The following LIMA1 variants were observed in gnomAD, a reference collection of about 807,000 sequenced individuals.
LIMA1 encodes the protein LIM domain and actin binding 1.
Under a neutral mutation model 62.6 loss-of-function variants are expected in LIMA1, and 52 were observed. The observed-to-expected ratio is 0.83, with a 90% CI of 0.67 to 1.05. The LOEUF is 1.05. LIMA1 is among the 50% of genes least tolerant of loss of function. LIMA1 has a pLI of 0.00. For missense variants in LIMA1, 780 were observed against 902.2 expected (o/e 0.86, Z 1.74); for synonymous variants, 302 against 317.8 (o/e 0.95, Z 0.53).
At chr12:50,198,444 C>T (rs192113143) in intron 7 of LIMA1, among the ~76,000 whole-genome samples, 1 of 152,200 alleles carries the variant, frequency 6.6e-6, no homozygotes, top group Non-Finnish European at 1.5e-5. Context: ...GTCCCAGCCA[C>T]TTGGGAGGCT....
intron 1 of LIMA1, among the ~76,000 whole-genome samples, chr12:50,263,857 G>GTATATATA (rs67882718): frequency 8.0e-6 from 1 of 125,684 alleles, no homozygotes; most frequent in Non-Finnish European, 1.6e-5. Context: ...TATATAGAGA[G>GTATATATA]TATATATATA....
rs75441485 is a variant in LIMA1 at position 50,204,071 on chromosome 12, A to G, written c.864+481T>C. ...TTGTATACTTTAAAATGGTGATTTTATATTATGTGAGTTATATCTCAGTAA... is the reference window on the plus strand; with the variant it reads ...TTGTATACTTTAAAATGGTGATTTTGTATTATGTGAGTTATATCTCAGTAA... On this transcript the variant is annotated intron_variant, in intron 6 of 10. Coordinates refer to ENST00000341247, the MANE Select transcript of LIMA1 (RefSeq NM_016357.5). Among the ~76,000 whole-genome samples the G allele has an allele frequency of 2.6e-5, 4 of 152,340 alleles. No homozygotes were observed. The East Asian group carries it at 7.7e-4, about 29-fold the overall frequency.
chr12:50,215,464 T>C (rs180746857), intron 4 of LIMA1, among the ~76,000 whole-genome samples: 3 of 152,136 alleles, frequency 2.0e-5, no homozygotes, highest in East Asian at 3.9e-4. Context: ...GCTTTATTTA[T>C]TTTATTTATT....
At chr12:50,218,910 CAA>C (rs1941396816) in intron 4 of LIMA1, among the ~76,000 whole-genome samples, 1 of 64,904 alleles carries the variant, frequency 1.5e-5, no homozygotes, top group Admixed American at 1.3e-4. Flanking sequence ...AAAAAAAAAA[CAA>C]AAACAAAAAA....
Position 50,200,779 on chromosome 12 carries a change from T to C in LIMA1, c.970A>G (p.Lys324Glu). 1.9e-6 allele frequency: 3 copies of C among 1,614,058 alleles called. No homozygotes were observed. Among genetic ancestry groups the C allele is most frequent in the South Asian group, 1.1e-5 (1 of 91,076 alleles). ...GGACATCAGACTTTTCAACCTACCT[T>C]TTCCCCTTCCTGATGGGTGATGCAG... is the stretch of plus-strand genomic sequence containing the variant. The part of the protein sequence containing the change: ...EVCITHQEGE[K>E]ISANENSLAV... Residue 324 changes from lysine to glutamate, a missense_variant and splice_region_variant, in exon 7 of 11, where the codon AAG becomes GAG. By Grantham distance (56) the Lys-to-Glu change is moderately conservative. Transcript: ENST00000341247.
Position 50,205,996 on chromosome 12 carries a change from C to T in LIMA1, c.703G>A (p.Glu235Lys). 6.2e-7 allele frequency: 1 copy of T among 1,611,574 alleles called. No homozygotes were observed. Among genetic ancestry groups the T allele is most frequent in the Non-Finnish European group, 8.5e-7 (1 of 1,178,322 alleles). ...ACTCTCTGCTTACCTGGGCCTATTTCCAGGTCATCTAGAGAATAGCTGTTT... is the reference window on the plus strand; with the variant it reads ...ACTCTCTGCTTACCTGGGCCTATTTTCAGGTCATCTAGAGAATAGCTGTTT... ...SENSYSLDDL[E>K]IGPGQLSSST... Residue 235 changes from glutamate (E) to lysine (K), a missense_variant, in exon 5 of 11, where the codon GAA (glutamate) becomes AAA (lysine). Coordinates refer to ENST00000341247, the MANE Select transcript of LIMA1 (RefSeq NM_016357.5).
chr12:50,184,198 T>C (rs745764706), intron 9 of LIMA1, among the ~76,000 whole-genome samples: 21 of 152,346 alleles, frequency 1.4e-4, no homozygotes, highest in Admixed American at 2.6e-4. Flanking sequence ...TAACCAAATG[T>C]TATTGTAATG....
intron 2 of LIMA1, among the ~76,000 whole-genome samples, chr12:50,232,262 A>G (rs2138588866): frequency 6.7e-6 from 1 of 149,616 alleles, no homozygotes; most frequent in East Asian, 2.0e-4. Context: ...GGGTCTTGCC[A>G]TGTTGCCTAG....
chr12:50,177,359 G>A lies in LIMA1; in HGVS notation c.1985C>T (p.Thr662Ile). The A allele has an allele frequency of 6.2e-7, 1 of 1,614,100 alleles. No individual in the cohort carries two copies. The highest frequency in any genetic ancestry group is 8.5e-7 in the Non-Finnish European group (1 of 1,180,018). ...TWQNKESKGE[T>I]GKRSKEGHSL... ...ATGACCTTCCTTACTTCTCTTCCCT[G>A]TCTCTCCTTTAGATTCTTTGTTTTG... The change falls in exon 11 of 11, where the codon ACA becomes ATA. Residue 662 changes from threonine to isoleucine, a missense_variant. Thr to Ile is a moderately conservative substitution (Grantham distance 89, BLOSUM62 -1). Coordinates refer to ENST00000341247, the MANE Select transcript of LIMA1 (RefSeq NM_016357.5).
At chr12:50,234,211 C>CTTTT in intron 2 of LIMA1, 10 of 377,268 alleles carry the variant, frequency 2.7e-5, no homozygotes, top group Admixed American at 4.1e-5. Context: ...CCAGAACAAC[C>CTTTT]TTTTTTTTTT....
intron 2 of LIMA1, among the ~76,000 whole-genome samples, chr12:50,234,697 T>G (rs552198226): frequency 6.6e-6 from 1 of 151,368 alleles, no homozygotes; most frequent in East Asian, 1.9e-4. Flanking sequence ...GCATTTGGAG[T>G]AGGAGGTAAA....
chr12:50,258,284 G>A (rs1297127523), intron 1 of LIMA1, among the ~76,000 whole-genome samples: 1 of 144,112 alleles, frequency 6.9e-6, no homozygotes, highest in African/African-American at 2.7e-5. Context: ...ACTGGCCCAT[G>A]TATACACACT....
intron 1 of LIMA1, among the ~76,000 whole-genome samples, chr12:50,259,441 A>G (rs184493180): frequency 2.4e-4 from 37 of 152,304 alleles, no homozygotes; most frequent in Admixed American, 2.3e-3. Context: ...CTTCCATAAA[A>G]TTACACATAG....
chr12:50,182,156 G>T (rs1243773829), intron 9 of LIMA1, 119 bp from the exon 10 acceptor site: 1 of 1,094,802 alleles, frequency 9.1e-7, no homozygotes, highest in Non-Finnish European at 1.3e-6. Flanking sequence ...AATTCTCATG[G>T]AGCACTAAAC....
chr12:50,206,025 G>A lies in LIMA1; in HGVS notation c.674C>T (p.Ser225Phe). The A allele has an allele frequency of 6.2e-7, 1 of 1,612,766 alleles. No individual in the cohort carries two copies. The change falls in exon 5 of 11, where the codon TCT becomes TTT. Residue 225 changes from serine (S) to phenylalanine (F), a missense_variant. Ser to Phe is a radical substitution (Grantham distance 155). Coordinates refer to ENST00000341247, the MANE Select transcript of LIMA1 (RefSeq NM_016357.5). ...QSRSASGRKISENSYSLDDLE... is the reference protein window; with the variant it reads ...QSRSASGRKIFENSYSLDDLE... ...GTCATCTAGAGAATAGCTGTTTTCAGAGATCTTCCTTCCACTTGCACTTCG... is the reference window on the plus strand; with the variant it reads ...GTCATCTAGAGAATAGCTGTTTTCAAAGATCTTCCTTCCACTTGCACTTCG...
At chr12:50,236,528 G>A (rs576532315) in intron 2 of LIMA1, among the ~76,000 whole-genome samples, 2 of 152,084 alleles carry the variant, frequency 1.3e-5, no homozygotes, top group East Asian at 3.9e-4. Flanking sequence ...TCCAACTCCT[G>A]ACCTCAGGTG....
intron 3 of LIMA1, among the ~76,000 whole-genome samples, chr12:50,223,465 A>G (rs1418681624): frequency 6.6e-6 from 1 of 150,584 alleles, no homozygotes; most frequent in Non-Finnish European, 1.5e-5. Flanking sequence ...CCTGGGTGAC[A>G]AAGTGAGACG....
intron 3 of LIMA1, among the ~76,000 whole-genome samples, chr12:50,225,369 C>T (rs1459361101): frequency 4.6e-5 from 7 of 152,104 alleles, no homozygotes; most frequent in African/African-American, 1.4e-4. Flanking sequence ...ACTTGACTCC[C>T]CACCTCTCCC....
chr12:50,231,726 G>A lies in LIMA1; in HGVS notation c.120-16C>T. 6.2e-7 allele frequency: 1 copy of A among 1,607,940 alleles called. No homozygotes were observed. The highest frequency in any genetic ancestry group is 1.3e-5 in the African/African-American group (1 of 74,908). On this transcript the variant is annotated splice_polypyrimidine_tract_variant and intron_variant, in intron 2 of 10. Coordinates refer to ENST00000341247, the MANE Select transcript of LIMA1 (RefSeq NM_016357.5). ...TTTCTGGTACCTTCAGAGAAGGGAAGGAAAGAATGTCTCAAATTAAACTTA... is the reference window on the plus strand; with the variant it reads ...TTTCTGGTACCTTCAGAGAAGGGAAAGAAAGAATGTCTCAAATTAAACTTA...
Sources: gnomAD v4.1 joint callset for allele counts (sites outside exome capture counted in the v4.1 genomes callset) on GRCh38, gnomAD v4.1.1 for gene constraint, MANE v1.5 for transcripts, NCBI Gene and HGNC (gene_info 2026-07-23, HGNC 2026-07-21) for gene names.